Variants in WDR4 observed in about 807,000 individuals in gnomAD.
WDR4 encodes WDR4 tRNA N7-guanosine methyltransferase non-catalytic subunit, also known as tRNA (guanine-N(7)-)-methyltransferase non-catalytic subunit WDR4.
A neutral mutation model predicts 48.6 loss-of-function variants in WDR4; 47 were observed. That is an observed-to-expected ratio of 0.97 (90% CI 0.77 to 1.23). The LOEUF is 1.23. WDR4 is among the 50% of genes most tolerant of loss of function. The pLI, the probability that WDR4 is intolerant of heterozygous loss-of-function variation, is 0.00. For missense variants in WDR4, 606 were observed against 551.6 expected, an observed-to-expected ratio of 1.10 and a Z score of -0.99; for synonymous variants, 268 against 230.0, an observed-to-expected ratio of 1.17 and a Z score of -1.49.
At chr21:42,865,117 C>G (rs893491862) in intron 3 of WDR4, among the ~76,000 whole-genome samples, 1 of 152,216 alleles carries the variant, frequency 6.6e-6, no homozygotes, top group Non-Finnish European at 1.5e-5. Context: ...TTGGGCCACA[C>G]CCCAGGCTGG....
intron 11 of WDR4, chr21:42,843,285 GAT>G (rs1001710005): frequency 2.0e-5 from 3 of 151,934 alleles, no homozygotes; most frequent in African/African-American, 7.3e-5. Flanking sequence ...AACAGACCTA[GAT>G]ATGACAGTAA....
chr21:42,867,032 C>G (rs1298988352), intron 3 of WDR4, among the ~76,000 whole-genome samples: 2 of 152,130 alleles, frequency 1.3e-5, no homozygotes, highest in Non-Finnish European at 2.9e-5. Context: ...ATCACATGGT[C>G]CATCTTCCAC....
chr21:42,850,335 T>TG (rs2057792270), intron 10 of WDR4, 93 bp from the exon 11 acceptor site: 3 of 1,220,554 alleles, frequency 2.5e-6, no homozygotes, highest in Non-Finnish European at 3.4e-6. Flanking sequence ...AGTTACCTCG[T>TG]GACTCCCAGA....
At chr21:42,874,897 T>C (rs8129620) in intron 2 of WDR4, among the ~76,000 whole-genome samples, 91,187 of 151,744 alleles carry the variant, frequency 0.6, 28,179 homozygotes, top group African/African-American at 0.71. Flanking sequence ...TTGTGAAGCA[T>C]GTGATCTCTG....
At chr21:42,883,274 C>CAAAAA (rs56707881), upstream of WDR4, among the ~76,000 whole-genome samples, 1 of 77,762 alleles carries the variant, frequency 1.3e-5, no homozygotes, top group Non-Finnish European at 2.3e-5. Flanking sequence ...GACTCTGTCT[C>CAAAAA]AAAAAAAAAA....
chr21:42,844,515 C>T (rs894586069), downstream of WDR4, among the ~76,000 whole-genome samples: 1 of 152,200 alleles, frequency 6.6e-6, no homozygotes, highest in African/African-American at 2.4e-5. Context: ...GGAGAACCTC[C>T]ACCGCCAGGA....
In WDR4 at chr21:42,849,852, G is replaced by T; in HGVS notation, c.*197C>A. The T allele has an allele frequency of 1.6e-6, 1 of 611,924 alleles. No individual in the cohort carries two copies. The highest frequency in any genetic ancestry group is 2.7e-6 in the Non-Finnish European group (1 of 370,642). The allele number at this position is 611,924 out of a possible 1,614,324, so 37.9% of individuals were successfully genotyped here. A position where few individuals can be genotyped will look rare whatever the true frequency, so the allele number is the denominator to read the frequency against. Reference sequence around the variant, plus strand: ...GGTCTGGCTTCCCTTCAACCAGAAAGGGGGCACAGGCACCCAGCAAGAGCC... The same window carrying T: ...GGTCTGGCTTCCCTTCAACCAGAAATGGGGCACAGGCACCCAGCAAGAGCC... On this transcript the variant is annotated 3_prime_UTR_variant, in exon 11 of 11. Coordinates refer to ENST00000398208, the MANE Select transcript of WDR4 (RefSeq NM_018669.6).
At chr21:42,860,431 G>A (rs893733501) in intron 5 of WDR4, among the ~76,000 whole-genome samples, 1 of 152,276 alleles carries the variant, frequency 6.6e-6, no homozygotes, top group African/African-American at 2.4e-5. Flanking sequence ...ACCTACAAGG[G>A]TGACAAGGCC....
At chr21:42,848,293 C>G (rs915901762), downstream of WDR4, among the ~76,000 whole-genome samples, 2 of 151,978 alleles carry the variant, frequency 1.3e-5, no homozygotes, top group African/African-American at 4.8e-5. Flanking sequence ...TCCCAAATCA[C>G]GCGGCGCACA....
downstream of WDR4, among the ~76,000 whole-genome samples, chr21:42,845,044 A>G (rs2057698907): frequency 1.3e-5 from 2 of 152,224 alleles, no homozygotes; most frequent in African/African-American, 4.8e-5. Context: ...CAGGGCTGAG[A>G]AGGGTGCACT....
downstream of WDR4, among the ~76,000 whole-genome samples, chr21:42,844,905 C>T (rs1302879165): frequency 6.6e-6 from 1 of 152,226 alleles, no homozygotes; most frequent in Non-Finnish European, 1.5e-5. Flanking sequence ...GAAAAGCAAG[C>T]ACACTGGAAC....
In WDR4 at chr21:42,859,564, G is replaced by GCCAGCGATCCACAGGGT. The variant is rs1390999650; in HGVS notation, c.627+97_627+98insACCCTGTGGATCGCTGG. The GCCAGCGATCCACAGGGT allele has an allele frequency of 2.9e-5, 39 of 1,355,484 alleles. No homozygotes were observed. The African/African-American group carries it at 4.5e-4, about 16-fold the overall frequency. The allele number at this position is 1,355,484 out of a possible 1,614,324, so 84.0% of individuals were successfully genotyped here. A position where few individuals can be genotyped will look rare whatever the true frequency, so the allele number is the denominator to read the frequency against. ...AGTGGACAGCCACAGCCAGCCAGGG[G>GCCAGCGATCCACAGGGT]CCAGCGATCCACAGGGGCCAGGTCC... On this transcript the variant is annotated intron_variant, in intron 6 of 10. Coordinates refer to ENST00000398208, the MANE Select transcript of WDR4 (RefSeq NM_018669.6).
At chr21:42,853,469 A>G (rs1455764382) in intron 9 of WDR4, 100 bp downstream of exon 9, 140 of 1,342,784 alleles carry the variant, frequency 1.0e-4, no homozygotes, top group Non-Finnish European at 1.2e-4. Flanking sequence ...CTGAGTTGAA[A>G]GAGGCTTACC....
intron 2 of WDR4, among the ~76,000 whole-genome samples, chr21:42,874,193 T>C (rs2058435834): frequency 6.6e-6 from 1 of 152,224 alleles, no homozygotes; most frequent in Non-Finnish European, 1.5e-5. Context: ...CTTTTATAAT[T>C]TCTTATGCCT....
intron 1 of WDR4, among the ~76,000 whole-genome samples, chr21:42,877,229 C>T (rs985743202): frequency 1.3e-5 from 2 of 150,876 alleles, no homozygotes; most frequent in Non-Finnish European, 2.9e-5. Context: ...CTGCAACCTC[C>T]CCCTCCTGGA....
intron 1 of WDR4, among the ~76,000 whole-genome samples, chr21:42,877,750 A>G (rs922559876): frequency 1.3e-5 from 2 of 152,328 alleles, no homozygotes; most frequent in East Asian, 3.9e-4. Context: ...CGACATGGTT[A>G]TAAGAAATTA....
chr21:42,843,932 C>T (rs1482733151), intron 11 of WDR4, among the ~76,000 whole-genome samples: 1 of 152,184 alleles, frequency 6.6e-6, no homozygotes, highest in Non-Finnish European at 1.5e-5. Flanking sequence ...CTCAAGCAAT[C>T]CCCCTGCCTC....
chr21:42,868,519 C>G (rs2146077098), intron 3 of WDR4, among the ~76,000 whole-genome samples: 1 of 152,382 alleles, frequency 6.6e-6, no homozygotes, highest in East Asian at 1.9e-4. Context: ...CCCCTACCCT[C>G]TGCAGGCAGT....
At chr21:42,867,695 T>TA (rs1215239419) in intron 3 of WDR4, among the ~76,000 whole-genome samples, 1 of 152,042 alleles carries the variant, frequency 6.6e-6, no homozygotes, top group Non-Finnish European at 1.5e-5. Context: ...TAGGGGTACT[T>TA]AAACTAGATG....
Sources: allele counts gnomAD v4.1 joint callset (sites outside exome capture counted in the v4.1 genomes callset), GRCh38; gene constraint gnomAD v4.1.1; transcripts MANE v1.5; gene names NCBI Gene and HGNC (gene_info 2026-07-23, HGNC 2026-07-21).